C10orf67: variants seen among roughly 807,000 people sequenced by gnomAD.
C10orf67 encodes uncharacterized protein C10orf67, mitochondrial.
A neutral mutation model predicts 35.6 loss-of-function variants in C10orf67; 60 were observed. The observed-to-expected ratio is 1.68, with a 90% CI of 1.37 to 2.09. The LOEUF is 2.09. Among genes scored for constraint, C10orf67 ranks in the 30% most tolerant of loss-of-function variants. The pLI is 0.00. For synonymous variants in C10orf67, 167 were observed against 115.8 expected (o/e 1.44, Z -2.84); for missense variants, 474 against 330.2 (o/e 1.44, Z -3.38).
At chr10:23,234,736 C>A (rs140209901) in intron 13 of C10orf67, among the ~76,000 whole-genome samples, 9 of 150,658 alleles carry the variant, frequency 6.0e-5, no homozygotes, top group African/African-American at 2.2e-4. Context: ...TAAATAAGGT[C>A]GGGCACAGTG....
intron 2 of C10orf67, 25 bp from the exon 3 acceptor site, chr10:23,322,562 A>G: frequency 6.6e-7 from 1 of 1,515,392 alleles, no homozygotes; most frequent in Non-Finnish European, 9.1e-7. Context: ...TATTATCCTT[A>G]GCGAAGTAAC....
At chr10:23,313,354 A>G (rs924625210) in intron 4 of C10orf67, among the ~76,000 whole-genome samples, 23 of 152,246 alleles carry the variant, frequency 1.5e-4, no homozygotes, top group Admixed American at 4.6e-4. Context: ...AGACCTCGAC[A>G]TTATGGATTG....
chr10:23,246,375 GT>G (rs907162473), intron 12 of C10orf67, among the ~76,000 whole-genome samples: 2 of 152,018 alleles, frequency 1.3e-5, no homozygotes, highest in African/African-American at 2.4e-5. Flanking sequence ...GGAAAAAAAT[GT>G]TTTTTAATTA....
intron 15 of C10orf67, among the ~76,000 whole-genome samples, chr10:23,221,975 T>C (rs1841593838): frequency 6.6e-6 from 1 of 152,228 alleles, no homozygotes; most frequent in Admixed American, 6.5e-5. Flanking sequence ...CACAGGCATC[T>C]GGTGTGAGCA....
chr10:23,287,457 C>T (rs1412609009), intron 7 of C10orf67, among the ~76,000 whole-genome samples: 1 of 152,128 alleles, frequency 6.6e-6, no homozygotes, highest in Non-Finnish European at 1.5e-5. Context: ...TTTCCTTACA[C>T]CTTATACAAA....
At chr10:23,228,586 A>T (rs1841812494) in intron 13 of C10orf67, among the ~76,000 whole-genome samples, 1 of 152,222 alleles carries the variant, frequency 6.6e-6, no homozygotes, top group African/African-American at 2.4e-5. Flanking sequence ...AAAATTGATG[A>T]ATGGGATCTG....
At chr10:23,259,222 A>G (rs138784985) in intron 10 of C10orf67, among the ~76,000 whole-genome samples, 617 of 152,322 alleles carry the variant, frequency 4.1e-3, no homozygotes, top group African/African-American at 0.014. Context: ...GCAGCATACA[A>G]TTTGGGTCAT....
intron 10 of C10orf67, among the ~76,000 whole-genome samples, chr10:23,263,120 A>G (rs4357595): frequency 1 from 152,304 of 152,306 alleles, 76,151 homozygotes; most frequent in Non-Finnish European, 1. Flanking sequence ...GATAAACAAC[A>G]GGTAAAGTGC....
chr10:23,317,425 T>A (rs1246934358), intron 4 of C10orf67: 2 of 152,194 alleles, frequency 1.3e-5, no homozygotes, highest in African/African-American at 2.4e-5. Flanking sequence ...TCTAGGAGCG[T>A]GGAGCTCCCC....
Position 23,320,780 on chromosome 10 carries a change from C to T in C10orf67, c.507G>A (p.Gln169=). 2 of 1,592,316 alleles carry T rather than the reference C, an allele frequency of 1.3e-6. No individual in the cohort carries two copies. The highest frequency in any genetic ancestry group is 2.3e-5 in the East Asian group (1 of 44,434). ...EDKMRKSFNQ[Q]LADAIAVIKG... ...TGATAACAGCTATGGCATCAGCTAA[C>T]TGCTGATTGAAGGATTTTCTCATCT... The change falls in exon 4 of 16, where the codon CAG becomes CAA. Residue 169 remains glutamine (Q), a synonymous_variant. Coordinates refer to ENST00000636213, the MANE Select transcript of C10orf67 (RefSeq NM_001371909.1).
At chr10:23,232,925 G>A (rs1841950528) in intron 13 of C10orf67, among the ~76,000 whole-genome samples, 1 of 152,200 alleles carries the variant, frequency 6.6e-6, no homozygotes, top group African/African-American at 2.4e-5. Context: ...GGGAGGCTGA[G>A]GCGGGAGGAT....
In C10orf67 at chr10:23,265,002, T is replaced by C. The variant is rs1447483326; in HGVS notation, c.1200+1260A>G. 2.6e-5 allele frequency among the ~76,000 whole-genome samples: 4 copies of C among 152,258 alleles called. No individual in the cohort carries two copies. The East Asian group carries it at 7.7e-4, about 29-fold the overall frequency. ...AAAAAATACTTCCCAAAATCTGGGT[T>C]ATAAAAATCTTACTTCTAGAACGTA... On this transcript the variant is annotated intron_variant, in intron 10 of 15. Transcript: ENST00000636213.
rs1011833175 is a variant in C10orf67, at chr10:23,262,573, G to A, written c.1200+3689C>T. On this transcript the variant is annotated intron_variant, in intron 10 of 15. Coordinates refer to ENST00000636213, the MANE Select transcript of C10orf67 (RefSeq NM_001371909.1). ...ATCTTCAGTCCTCAGTTTACATTACGCTCAAACCTAGTGAGCTCCACAAAT... is the reference window on the plus strand; with the variant it reads ...ATCTTCAGTCCTCAGTTTACATTACACTCAAACCTAGTGAGCTCCACAAAT... Among the ~76,000 whole-genome samples, 6 of 152,044 alleles carry A rather than the reference G, an allele frequency of 3.9e-5. No individual in the cohort carries two copies. In the East Asian group the frequency reaches 7.7e-4, roughly 20 times the overall value.
intron 10 of C10orf67, among the ~76,000 whole-genome samples, chr10:23,264,215 G>A (rs185587964): frequency 4.6e-5 from 7 of 152,262 alleles, no homozygotes; most frequent in Admixed American, 4.6e-4. Flanking sequence ...ATACGGTAAA[G>A]AATAAACCAC....
intron 13 of C10orf67, among the ~76,000 whole-genome samples, chr10:23,227,841 G>C (rs1004524131): frequency 6.6e-6 from 1 of 152,124 alleles, no homozygotes; most frequent in Admixed American, 6.5e-5. Flanking sequence ...ATTCATAATT[G>C]CTTCAAAGAG....
rs1554815277 is a variant in C10orf67, at chr10:23,314,501, C to CACACACACAG, written c.546+6239_546+6240insCTGTGTGTGT. Among the ~76,000 whole-genome samples, 814 of 151,058 alleles carry CACACACACAG rather than the reference C, an allele frequency of 5.4e-3. 1 individual carries two copies. Among genetic ancestry groups the CACACACACAG allele is most frequent in the African/African-American group, 0.019 (772 of 40,886 alleles). On this transcript the variant is annotated intron_variant, in intron 4 of 15. Coordinates refer to ENST00000636213, the MANE Select transcript of C10orf67 (RefSeq NM_001371909.1). ...AAGTTAAAACACACACACACACACA[C>CACACACACAG]ACACACACACACACACACACACACA...
At chr10:23,299,757 C>A (rs1223355847) in intron 5 of C10orf67, among the ~76,000 whole-genome samples, 1 of 152,024 alleles carries the variant, frequency 6.6e-6, no homozygotes, top group Non-Finnish European at 1.5e-5. Context: ...GCGGGCGAAT[C>A]ATGAGGTCAA....
At position 23,320,726 on chromosome 10, in the gene C10orf67, G is replaced by A. The variant is rs1844916533; in HGVS notation, c.546+15C>T. The A allele has an allele frequency of 1.3e-6, 2 of 1,575,760 alleles. No individual in the cohort carries two copies. Among genetic ancestry groups the A allele is most frequent in the Admixed American group, 1.8e-5 (1 of 54,844 alleles). ...AGCCTTGCCCACAACTACGGCACCA[G>A]AAACAGAAACTCACCTGGTACATTC... On this transcript the variant is annotated intron_variant, in intron 4 of 15. Transcript: ENST00000636213.
At chr10:23,342,754 A>C (rs759416606) in intron 1 of C10orf67, among the ~76,000 whole-genome samples, 10 of 152,234 alleles carry the variant, frequency 6.6e-5, no homozygotes, top group Non-Finnish European at 1.3e-4. Context: ...CCATTTTAAC[A>C]AACGTACCCA....
Sources: allele counts gnomAD v4.1 joint callset (sites outside exome capture counted in the v4.1 genomes callset), GRCh38; gene constraint gnomAD v4.1.1; transcripts MANE v1.5; gene names NCBI Gene and HGNC (gene_info 2026-07-23, HGNC 2026-07-21).